Variants in KCNIP1 observed in about 807,000 individuals in gnomAD.
KCNIP1 encodes the protein potassium voltage-gated channel interacting protein 1.
Under a neutral mutation model 33.0 loss-of-function variants are expected in KCNIP1, and 18 were observed. That is an observed-to-expected ratio of 0.55 (90% confidence interval 0.38 to 0.81). The LOEUF (loss-of-function observed/expected upper bound fraction) is 0.81. Ranked by LOEUF, KCNIP1 falls within the 30% of genes least tolerant of loss-of-function variation. The pLI, the probability that KCNIP1 is intolerant of heterozygous loss-of-function variation, is 0.00. For missense variants in KCNIP1, 238 were observed against 271.6 expected (o/e 0.88, Z 0.87); for synonymous variants, 93 against 98.3 (o/e 0.95, Z 0.32).
intron 1 of KCNIP1, among the ~76,000 whole-genome samples, chr5:170,369,049 A>G (rs1763777834): frequency 6.6e-6 from 1 of 152,208 alleles, no homozygotes; most frequent in Admixed American, 6.5e-5. Flanking sequence ...CATGCTTACA[A>G]TTTGCATTGT....
chr5:170,726,097 G>A (rs1010238467), intron 5 of KCNIP1, among the ~76,000 whole-genome samples: 13 of 151,990 alleles, frequency 8.6e-5, no homozygotes, highest in Non-Finnish European at 8.8e-5. Flanking sequence ...TCTTAAAGTA[G>A]ATAAATTTGA....
chr5:170,506,461 G>A (rs905000219), intron 1 of KCNIP1, among the ~76,000 whole-genome samples: 5 of 152,152 alleles, frequency 3.3e-5, no homozygotes, highest in African/African-American at 1.2e-4. Context: ...TGAATAGGGA[G>A]CTCCGTGCAT....
intron 1 of KCNIP1, among the ~76,000 whole-genome samples, chr5:170,409,505 G>C (rs181253236): frequency 2.6e-4 from 39 of 152,320 alleles, no homozygotes; most frequent in African/African-American, 9.1e-4. Context: ...CCATGAATAA[G>C]TTCACAGAGG....
intron 1 of KCNIP1, among the ~76,000 whole-genome samples, chr5:170,633,204 G>A (rs1007186330): frequency 6.6e-6 from 1 of 152,106 alleles, no homozygotes; most frequent in Non-Finnish European, 1.5e-5. Flanking sequence ...GCGTCCAGAA[G>A]AGGTAAGACA....
In KCNIP1 at chr5:170,651,641, T is replaced by C. The variant is rs184891205; in HGVS notation, c.62-67117T>C. Among the ~76,000 whole-genome samples the C allele has an allele frequency of 2.3e-3, 351 of 152,318 alleles. 2 individuals carry two copies. Among genetic ancestry groups the C allele is most frequent in the African/African-American group, 8.0e-3 (333 of 41,570 alleles). ...CTTTGTATGTCTCCTTCCTGGACAT[T>C]ACTTATTCTTTACTTTTAAATATTT... On this transcript the variant is annotated intron_variant, in intron 1 of 7. Coordinates refer to ENST00000328939, the MANE Select transcript of KCNIP1 (RefSeq NM_014592.4).
chr5:170,446,794 C>T (rs1246923448), intron 1 of KCNIP1, among the ~76,000 whole-genome samples: 1 of 152,172 alleles, frequency 6.6e-6, no homozygotes, highest in African/African-American at 2.4e-5. Flanking sequence ...GCAGGACCTG[C>T]CACATGTCCA....
intron 1 of KCNIP1, among the ~76,000 whole-genome samples, chr5:170,392,973 T>TACATAC (rs756609287): frequency 1.1e-4 from 17 of 152,212 alleles, no homozygotes; most frequent in Middle Eastern, 3.2e-3. Context: ...AGATATGCAA[T>TACATAC]ACATACACAT....
intron 1 of KCNIP1, among the ~76,000 whole-genome samples, chr5:170,669,059 G>A (rs1287270553): frequency 1.3e-5 from 2 of 152,164 alleles, no homozygotes; most frequent in South Asian, 4.2e-4. Context: ...TCACAGTCTT[G>A]TTATCTCTAC....
In KCNIP1 at chr5:170,417,921, G is replaced by A. The variant is rs990558570; in HGVS notation, c.88+63957G>A. On this transcript the variant is annotated intron_variant, in intron 1 of 7. Coordinates refer to the KCNIP1 transcript ENST00000377360. ...CCAGTCTTGCCCACTAGACGTCTTCGTTTGGGCAACCACACAGCTTATAAG... is the reference window on the plus strand; with the variant it reads ...CCAGTCTTGCCCACTAGACGTCTTCATTTGGGCAACCACACAGCTTATAAG... Among the ~76,000 whole-genome samples, 30 of 152,226 alleles carry A rather than the reference G, an allele frequency of 2.0e-4. No individual in the cohort carries two copies. The East Asian group carries it at 2.3e-3, about 12-fold the overall frequency.
intron 1 of KCNIP1, among the ~76,000 whole-genome samples, chr5:170,484,444 C>T (rs1244677427): frequency 6.6e-6 from 1 of 152,158 alleles, no homozygotes; most frequent in Non-Finnish European, 1.5e-5. Flanking sequence ...GCCAGCACGC[C>T]CTCCATCGCA....
intron 1 of KCNIP1, among the ~76,000 whole-genome samples, chr5:170,541,438 C>G (rs144350311): frequency 6.0e-4 from 91 of 152,316 alleles, no homozygotes; most frequent in East Asian, 9.6e-4. Flanking sequence ...GCTACCAGCT[C>G]CATTAATCCC....
upstream of KCNIP1, among the ~76,000 whole-genome samples, chr5:170,503,857 A>T (rs1289086519): frequency 1.3e-5 from 2 of 151,944 alleles, no homozygotes; most frequent in African/African-American, 2.4e-5. Context: ...TCTTAGGGTT[A>T]CATGCTCCCG....
At chr5:170,450,363 G>A (rs1047810460) in intron 1 of KCNIP1, among the ~76,000 whole-genome samples, 4 of 152,038 alleles carry the variant, frequency 2.6e-5, no homozygotes, top group Non-Finnish European at 5.9e-5. Flanking sequence ...CAGGGTCTGC[G>A]GGTTGGACCC....
intron 1 of KCNIP1, among the ~76,000 whole-genome samples, chr5:170,578,009 T>C (rs140412068): frequency 2.7e-3 from 418 of 152,358 alleles, no homozygotes; most frequent in African/African-American, 9.4e-3. Flanking sequence ...ACTACCACTT[T>C]AGGATAGATT....
At chr5:170,667,426 TG>T (rs953320709) in intron 1 of KCNIP1, among the ~76,000 whole-genome samples, 2 of 152,224 alleles carry the variant, frequency 1.3e-5, no homozygotes, top group African/African-American at 4.8e-5. Context: ...GGCAGGCCCC[TG>T]GGAGGGATGA....
intron 1 of KCNIP1, among the ~76,000 whole-genome samples, chr5:170,688,438 G>C (rs1762613997): frequency 6.6e-6 from 1 of 152,204 alleles, no homozygotes; most frequent in African/African-American, 2.4e-5. Flanking sequence ...CAATGGTTGA[G>C]TTCAGTTTCA....
intron 1 of KCNIP1, among the ~76,000 whole-genome samples, chr5:170,713,917 A>G (rs944667605): frequency 6.6e-6 from 1 of 152,000 alleles, no homozygotes; most frequent in Non-Finnish European, 1.5e-5. Flanking sequence ...CCAGCTACTC[A>G]GGAGGCTGAG....
chr5:170,710,470 A>G (rs903058308), intron 1 of KCNIP1, among the ~76,000 whole-genome samples: 1 of 152,114 alleles, frequency 6.6e-6, no homozygotes, highest in Non-Finnish European at 1.5e-5. Flanking sequence ...CTATTACTGT[A>G]TTCTATTTTT....
chr5:170,421,856 A>T (rs2113429500), intron 1 of KCNIP1: 1 of 152,332 alleles, frequency 6.6e-6, no homozygotes, highest in Middle Eastern at 3.4e-3. Flanking sequence ...ATAATTAATT[A>T]AGAACACTTG....
Sources: gnomAD v4.1 joint callset for allele counts (sites outside exome capture counted in the v4.1 genomes callset) on GRCh38, gnomAD v4.1.1 for gene constraint, MANE v1.5 for transcripts, NCBI Gene and HGNC (gene_info 2026-07-23, HGNC 2026-07-21) for gene names.